Variants in PCDH11X observed in about 807,000 individuals in gnomAD.
PCDH11X encodes the protein protocadherin-11 X-linked.
Under a neutral mutation model 53.3 loss-of-function variants are expected in PCDH11X, and 18 were observed. The ratio of observed to expected loss-of-function variants is 0.34; its 90% CI spans 0.23 to 0.50. PCDH11X has a LOEUF of 0.50. PCDH11X is among the 20% of genes least tolerant of loss of function. PCDH11X has a pLI of 0.98. For synonymous variants in PCDH11X, 279 were observed against 393.3 expected (o/e 0.71, Z 3.44); for missense variants, 570 against 1,032.4 (o/e 0.55, Z 6.14).
In PCDH11X at chrX:92,392,742, A is replaced by G. The variant is rs544231140; in HGVS notation, c.3343+4809A>G. On this transcript the variant is annotated intron_variant, in intron 9 of 10. Coordinates refer to ENST00000682573, the MANE Select transcript of PCDH11X (RefSeq NM_032968.5). Reference sequence around the variant, plus strand: ...ATGGGTCATTAAAACTCAGCCTTTCATAATTAAAAACATTAGGAGTCAGTT... The same window carrying G: ...ATGGGTCATTAAAACTCAGCCTTTCGTAATTAAAAACATTAGGAGTCAGTT... 2.7e-4 allele frequency among the ~76,000 whole-genome samples: 30 copies of G among 109,920 alleles called. No individual in the cohort carries two copies. In the South Asian group the frequency reaches 0.012, roughly 42 times the overall value.
At chrX:92,267,407 C>T (rs1250761197) in intron 8 of PCDH11X, among the ~76,000 whole-genome samples, 7 of 112,132 alleles carry the variant, frequency 6.2e-5, no homozygotes, top group African/African-American at 9.7e-5. Flanking sequence ...TTTAGACTCA[C>T]GTAATGGATA....
chrX:91,953,024 G>T (rs2061660507), intron 6 of PCDH11X, among the ~76,000 whole-genome samples: 1 of 110,600 alleles, frequency 9.0e-6, no homozygotes, highest in South Asian at 3.9e-4. Flanking sequence ...GACTTGGAGA[G>T]TAGAAAGATG....
At chrX:92,569,981 A>G (rs188395528) in intron 10 of PCDH11X, among the ~76,000 whole-genome samples, 12 of 91,033 alleles carry the variant, frequency 1.3e-4, no homozygotes, top group African/African-American at 4.9e-4. Flanking sequence ...GCACCATTGT[A>G]CTCCAGCCTG....
chrX:92,301,957 T>C (rs2068733672), intron 8 of PCDH11X, among the ~76,000 whole-genome samples: 1 of 111,399 alleles, frequency 9.0e-6, no homozygotes. Context: ...GAGTGCTTAG[T>C]GGAGGTAACA....
intron 6 of PCDH11X, among the ~76,000 whole-genome samples, chrX:92,151,466 A>G (rs1452172011): frequency 1.8e-5 from 2 of 111,807 alleles, no homozygotes; most frequent in African/African-American, 6.5e-5. Flanking sequence ...TGCTGGGATT[A>G]CAGGCTTGAG....
chrX:92,478,182 G>A (rs1469026289), intron 10 of PCDH11X, among the ~76,000 whole-genome samples: 4 of 111,092 alleles, frequency 3.6e-5, no homozygotes, highest in Non-Finnish European at 7.5e-5. Context: ...TAAGTTTCCT[G>A]AGGCCTACCC....
chrX:92,232,864 C>T (rs1022950142), intron 7 of PCDH11X, among the ~76,000 whole-genome samples: 4 of 111,334 alleles, frequency 3.6e-5, no homozygotes, highest in African/African-American at 1.3e-4. Flanking sequence ...TATAGGCGCC[C>T]GCCACCACGC....
intron 9 of PCDH11X, among the ~76,000 whole-genome samples, chrX:92,393,508 C>T (rs1021132093): frequency 9.0e-6 from 1 of 110,735 alleles, no homozygotes; most frequent in African/African-American, 3.3e-5. Context: ...GGACATATGC[C>T]TGCTCTATTT....
chrX:91,871,122 C>T (rs1256058328), intron 5 of PCDH11X, among the ~76,000 whole-genome samples: 1 of 109,096 alleles, frequency 9.2e-6, no homozygotes. Flanking sequence ...TTTAGACAGC[C>T]TATAGCAAAC....
chrX:91,877,822 C>T lies in PCDH11X; in HGVS notation c.1582C>T (p.Leu528=). 8.3e-7 allele frequency: 1 copy of T among 1,211,394 alleles called. No homozygotes were observed. Among genetic ancestry groups the T allele is most frequent in the Non-Finnish European group, 1.1e-6 (1 of 895,402 alleles). The change falls in exon 6 of 11, where the codon CTA becomes TTA. Residue 528 remains leucine, a synonymous_variant. Transcript: ENST00000682573. The part of the protein sequence containing the change: ...RTGMLTVVKK[L]DREKEDKYLF... ...AGGCATGCTGACTGTAGTGAAGAAA[C>T]TAGATAGAGAAAAAGAGGATAAATA... is the stretch of plus-strand genomic sequence containing the variant.
At chrX:92,600,108 A>G in intron 10 of PCDH11X, among the ~76,000 whole-genome samples, 1 of 106,414 alleles carries the variant, frequency 9.4e-6, no homozygotes, top group Middle Eastern at 4.8e-3. Context: ...TATGTTTAAA[A>G]TGGGAGCAGA....
chrX:91,825,384 G>A (rs1433254552), intron 4 of PCDH11X, among the ~76,000 whole-genome samples: 12 of 111,827 alleles, frequency 1.1e-4, no homozygotes, highest in Non-Finnish European at 2.1e-4. Context: ...GTGGTGCGCC[G>A]TTTTTTAAGC....
At chrX:92,462,571 T>C (rs1268535972) in intron 9 of PCDH11X, among the ~76,000 whole-genome samples, 1 of 110,370 alleles carries the variant, frequency 9.1e-6, no homozygotes. Context: ...GTATTTTCTT[T>C]GCCAAACTGA....
At chrX:92,226,822 C>A (rs2066980457) in intron 7 of PCDH11X, among the ~76,000 whole-genome samples, 1 of 110,455 alleles carries the variant, frequency 9.1e-6, no homozygotes, top group Non-Finnish European at 1.9e-5. Flanking sequence ...TTTTCTGAGT[C>A]CCAATGCTTA....
rs1191488486 is a variant in PCDH11X, at chrX:92,396,807, C to A, written c.3343+8874C>A. Among the ~76,000 whole-genome samples the A allele has an allele frequency of 6.2e-5, 5 of 81,163 alleles. 1 individual carries two copies. The Admixed American group carries it at 6.8e-4, about 11-fold the overall frequency. 70.5% of individuals were successfully genotyped at this position (81,163 alleles called of 115,157 possible). A position where few individuals can be genotyped will look rare whatever the true frequency, so the allele number is the denominator to read the frequency against. On this transcript the variant is annotated intron_variant, in intron 9 of 10. Transcript: ENST00000682573. The stretch of plus-strand genomic sequence containing the variant: ...GCAGTGAGCCGAGATGGCACCATTG[C>A]ACTCCAGCCTGGGTGGGTGACAGAG...
At chrX:92,559,219 T>G (rs1027719042) in intron 10 of PCDH11X, among the ~76,000 whole-genome samples, 4 of 110,178 alleles carry the variant, frequency 3.6e-5, no homozygotes, top group African/African-American at 1.3e-4. Flanking sequence ...CATTGGGAAA[T>G]TTATGAAAAC....
chrX:92,171,306 T>C (rs905231129), intron 6 of PCDH11X, among the ~76,000 whole-genome samples: 13 of 104,730 alleles, frequency 1.2e-4, no homozygotes, highest in African/African-American at 4.5e-4. Context: ...CATGTTGTTT[T>C]TCCAAAATTT....
At chrX:92,231,559 G>A (rs769717854) in intron 7 of PCDH11X, among the ~76,000 whole-genome samples, 1 of 111,979 alleles carries the variant, frequency 8.9e-6, no homozygotes, top group Non-Finnish European at 1.9e-5. Context: ...AGGAAACAAA[G>A]TACTAGGAAA....
At chrX:91,916,100 C>A (rs1340927014) in intron 6 of PCDH11X, among the ~76,000 whole-genome samples, 3 of 110,436 alleles carry the variant, frequency 2.7e-5, no homozygotes, top group Non-Finnish European at 5.7e-5. Flanking sequence ...TTTGGGTCAA[C>A]AATGAAATTT....
Sources: allele counts gnomAD v4.1 joint callset (sites outside exome capture counted in the v4.1 genomes callset), GRCh38; gene constraint gnomAD v4.1.1; transcripts MANE v1.5; gene names NCBI Gene and HGNC (gene_info 2026-07-23, HGNC 2026-07-21).